The following ADH1B variants were observed in gnomAD, a reference collection of about 807,000 sequenced individuals.
ADH1B encodes all-trans-retinol dehydrogenase [NAD(+)] ADH1B.
ADH1B carries 29 observed loss-of-function variants against 34.6 expected under a neutral mutation model. The observed-to-expected ratio is 0.84, with a 90% CI of 0.62 to 1.14. ADH1B has a LOEUF of 1.14. Ranked by LOEUF, ADH1B falls within the 50% of genes most tolerant of loss-of-function variation. The pLI, the probability that ADH1B is intolerant of heterozygous loss-of-function variation, is 0.00. For synonymous variants in ADH1B, 170 were observed against 175.5 expected (o/e 0.97, Z 0.25); for missense variants, 424 against 468.4 (o/e 0.91, Z 0.87).
chr4:99,314,089 T>C lies in ADH1B; in HGVS notation c.568-8A>G, dbSNP rs1733821118. ...GGTAGAGCCTGGGGTGACCTGTGTT[T>C]TCAGAAAATGCAAAAATAGATTAAG... On this transcript the variant is annotated splice_polypyrimidine_tract_variant and splice_region_variant and intron_variant, in intron 5 of 8. Coordinates refer to ENST00000305046, the MANE Select transcript of ADH1B (RefSeq NM_000668.6). 1 of 1,611,716 alleles carries C rather than the reference T, an allele frequency of 6.2e-7. No homozygotes were observed. The highest frequency in any genetic ancestry group is 8.5e-7 in the Non-Finnish European group (1 of 1,178,720).
rs146657145 is a variant in ADH1B at position 99,316,286 on chromosome 4, C to A, written c.276G>T (p.Pro92=). ...ATTTTCCACACTGAGGAGTAAAGAG[C>A]GGGATGACTTTATCACCTGGAGAGG... ...TTVKPGDKVI[P]LFTPQCGKCR... is the part of the protein sequence containing the mutation. The change falls in exon 4 of 9, where the codon CCG becomes CCT. Residue 92 remains proline, a synonymous_variant. Coordinates refer to ENST00000305046, the MANE Select transcript of ADH1B (RefSeq NM_000668.6). 3 of 1,614,024 alleles carry A rather than the reference C, an allele frequency of 1.9e-6. No individual in the cohort carries two copies. The highest frequency in any genetic ancestry group is 2.5e-6 in the Non-Finnish European group (3 of 1,179,974).
At chr4:99,311,844 G>T (rs1165252580) in intron 6 of ADH1B, among the ~76,000 whole-genome samples, 188 bp from the exon 7 acceptor site, 4 of 152,058 alleles carry the variant, frequency 2.6e-5, no homozygotes, top group African/African-American at 7.2e-5. Flanking sequence ...CCCAGAAAAT[G>T]GTTTTTTAAT....
At chr4:99,308,942 A>G (rs1733681621) in intron 8 of ADH1B, among the ~76,000 whole-genome samples, 4 of 151,976 alleles carry the variant, frequency 2.6e-5, no homozygotes, top group Admixed American at 2.6e-4. Context: ...CATTGTGCAC[A>G]TGTACCCTAA....
intron 6 of ADH1B, 80 bp downstream of exon 6, chr4:99,313,741 C>A: frequency 6.2e-7 from 1 of 1,608,644 alleles, no homozygotes; most frequent in Non-Finnish European, 8.5e-7. Flanking sequence ...ATCCTTTATA[C>A]ATAAAACATA....
In ADH1B at chr4:99,313,905, C is replaced by T. The variant is rs373672745; in HGVS notation, c.744G>A (p.Lys248=). Residue 248 remains lysine (K), a synonymous_variant, in exon 6 of 9, where the codon AAG becomes AAA. Transcript: ENST00000305046. ...CCTTTAGCACTTCCTGAATGGGTTT[C>T]TTGTAGTCTTGAGGGTTGATGCATT... ...ATECINPQDY[K]KPIQEVLKEM... The T allele has an allele frequency of 1.2e-6, 2 of 1,614,082 alleles. No homozygotes were observed. Among genetic ancestry groups the T allele is most frequent in the Non-Finnish European group, 1.7e-6 (2 of 1,179,998 alleles).
chr4:99,309,604 C>G (rs1046180403), intron 8 of ADH1B, among the ~76,000 whole-genome samples: 28 of 152,116 alleles, frequency 1.8e-4, no homozygotes, highest in Non-Finnish European at 3.5e-4. Context: ...ATAATAATGA[C>G]TGATAACTAA....
chr4:99,312,788 G>C (rs1196958955), intron 6 of ADH1B, among the ~76,000 whole-genome samples: 2 of 152,026 alleles, frequency 1.3e-5, no homozygotes, highest in African/African-American at 2.4e-5. Flanking sequence ...AGGAGGTTGA[G>C]GCTGCAGCGA....
At chr4:99,314,812 T>C (rs1404678971) in intron 5 of ADH1B, 1 of 152,280 alleles carries the variant, frequency 6.6e-6, no homozygotes, top group Non-Finnish European at 1.5e-5. Flanking sequence ...AACAAGGGGC[T>C]AAGTGCTAAA....
Position 99,307,711 on chromosome 4 carries a change from A to G in ADH1B, c.*129T>C, listed in dbSNP as rs1398313575. The G allele has an allele frequency of 4.6e-6, 5 of 1,091,624 alleles. No homozygotes were observed. 67.6% of individuals were successfully genotyped at this position (1,091,624 alleles called of 1,614,324 possible). ...CCCATCAATTTCCATTTCTTTGGAA[A>G]GCCCCCATGTGTAATTTATTGATAA... is the stretch of plus-strand genomic sequence containing the variant. On this transcript the variant is annotated 3_prime_UTR_variant, in exon 9 of 9. Coordinates refer to ENST00000305046, the MANE Select transcript of ADH1B (RefSeq NM_000668.6).
In ADH1B at chr4:99,313,947, T is replaced by C; in HGVS notation, c.702A>G (p.Lys234=). The C allele has an allele frequency of 6.2e-7, 1 of 1,614,164 alleles. No homozygotes were observed. Among genetic ancestry groups the C allele is most frequent in the Non-Finnish European group, 8.5e-7 (1 of 1,180,008 alleles). The change falls in exon 6 of 9, where the codon AAA becomes AAG. Residue 234 remains lysine (K), a synonymous_variant. Transcript: ENST00000305046. Reference sequence around the variant, plus strand: ...TGATGCATTCAGTGGCACCCAACTCTTTGGCCTTTGCAAATTTGTCCTTGT... The same window carrying C: ...TGATGCATTCAGTGGCACCCAACTCCTTGGCCTTTGCAAATTTGTCCTTGT... ...DINKDKFAKA[K]ELGATECINP...
intron 7 of ADH1B, among the ~76,000 whole-genome samples, chr4:99,311,196 A>G (rs1733746181): frequency 6.6e-6 from 1 of 152,212 alleles, no homozygotes; most frequent in Non-Finnish European, 1.5e-5. Context: ...TTGGGTGTAG[A>G]TATGAAATAT....
chr4:99,320,071 T>G (rs1483947293), intron 1 of ADH1B: 8 of 152,204 alleles, frequency 5.3e-5, no homozygotes, highest in Non-Finnish European at 7.4e-5. Context: ...TTCAATAGTT[T>G]TTGGGGTGCA....
At position 99,306,170 on chromosome 4, in the gene ADH1B, A is replaced by T. The variant is rs28914793; in HGVS notation, c.*1670T>A. 66,223 of 151,874 alleles carry T rather than the reference A, an allele frequency of 0.44. 14,903 individuals are homozygous for T. The highest frequency in any genetic ancestry group is 0.53 in the Admixed American group (8,023 of 15,268). The allele number at this position is 151,874 out of a possible 1,614,324, so 9.4% of individuals were successfully genotyped here. Reference sequence around the variant, plus strand: ...ACAGCCACCTGCCACCATGCCTGGCAAATTTTTGTATTTTTAGTAGAGATG... The same window carrying T: ...ACAGCCACCTGCCACCATGCCTGGCTAATTTTTGTATTTTTAGTAGAGATG... On this transcript the variant is annotated 3_prime_UTR_variant, in exon 9 of 9. Coordinates refer to ENST00000305046, the MANE Select transcript of ADH1B (RefSeq NM_000668.6).
At chr4:99,318,603 CTT>C (rs1733946188) in intron 2 of ADH1B, 180 bp downstream of exon 2, 1 of 639,800 alleles carries the variant, frequency 1.6e-6, no homozygotes, top group East Asian at 2.9e-5. Flanking sequence ...TGTATGTACT[CTT>C]TGATCATTTT....
chr4:99,305,527 A>T lies in ADH1B; in HGVS notation c.*2313T>A, dbSNP rs1172707698. ...ATATATATATATATATATATATACA[A>T]TCACTTAACTATATGAACCACTTGC... On this transcript the variant is annotated 3_prime_UTR_variant, in exon 9 of 9. Coordinates refer to ENST00000305046, the MANE Select transcript of ADH1B (RefSeq NM_000668.6). The T allele has an allele frequency of 3.6e-5, 3 of 83,770 alleles. No homozygotes were observed. The highest frequency in any genetic ancestry group is 3.6e-4 in the South Asian group (1 of 2,800). The allele number at this position is 83,770 out of a possible 1,614,324, so 5.2% of individuals were successfully genotyped here.
chr4:99,308,076 TC>T (rs1025536232), intron 8 of ADH1B, among the ~76,000 whole-genome samples: 3 of 152,068 alleles, frequency 2.0e-5, no homozygotes, highest in African/African-American at 4.8e-5. Context: ...TTAATCTCAC[TC>T]ACAACATCCT....
Position 99,314,030 on chromosome 4 carries a change from A to T in ADH1B, c.619T>A (p.Ser207Thr). The change falls in exon 6 of 9, where the codon TCT becomes ACT. Residue 207 changes from serine to threonine, a missense_variant. Around this residue, in one of 3 missense-constraint regions of ADH1B, gnomAD observed 291 missense variants for 300.4 expected, o/e 0.97. Coordinates refer to ENST00000305046, the MANE Select transcript of ADH1B (RefSeq NM_000668.6). ...GCTGCTTTACAGCCCATAACAGCAG[A>T]TAGGCCGACCCCTCCCAGGCCAAAC... Reference protein sequence around the residue: ...AVFGLGGVGLSAVMGCKAAGA... With the variant: ...AVFGLGGVGLTAVMGCKAAGA... 1 of 1,614,244 alleles carries T rather than the reference A, an allele frequency of 6.2e-7. No homozygotes were observed. The highest frequency in any genetic ancestry group is 1.1e-5 in the South Asian group (1 of 91,088).
In ADH1B at chr4:99,307,838, C is replaced by T; in HGVS notation, c.*2G>A. ...GCTACAGGGGAAGGCATCTCTATTGCCTCAAAACGTCAGGACGGTACGGAT... is the reference window on the plus strand; with the variant it reads ...GCTACAGGGGAAGGCATCTCTATTGTCTCAAAACGTCAGGACGGTACGGAT... On this transcript the variant is annotated 3_prime_UTR_variant, in exon 9 of 9. Coordinates refer to ENST00000305046, the MANE Select transcript of ADH1B (RefSeq NM_000668.6). 2.5e-6 allele frequency: 4 copies of T among 1,613,822 alleles called. No individual in the cohort carries two copies. Among genetic ancestry groups the T allele is most frequent in the Non-Finnish European group, 3.4e-6 (4 of 1,179,832 alleles).
intron 8 of ADH1B, among the ~76,000 whole-genome samples, chr4:99,309,685 T>C (rs1334036907): frequency 6.6e-6 from 1 of 152,156 alleles, no homozygotes; most frequent in Admixed American, 6.6e-5. Context: ...AGAAAGTGAA[T>C]CGATTTGCTA....
Sources: gnomAD v4.1 joint callset for allele counts (sites outside exome capture counted in the v4.1 genomes callset) on GRCh38, gnomAD v4.1.1 for gene constraint, gnomAD v4.1.1 regional missense constraint, MANE v1.5 for transcripts, NCBI Gene and HGNC (gene_info 2026-07-23, HGNC 2026-07-21) for gene names.